The following NUB1 variants were observed in gnomAD, a reference collection of about 807,000 sequenced individuals.
NUB1 encodes the protein negative regulator of ubiquitin like proteins 1, also known as NEDD8 ultimate buster 1.
In NUB1, 41 loss-of-function variants were observed where a neutral mutation model predicts 77.1. The observed-to-expected ratio is 0.53, with a 90% CI of 0.41 to 0.69. The LOEUF (loss-of-function observed/expected upper bound fraction) is 0.69, where lower values mean the gene tolerates loss of function less well. Among genes scored for constraint, NUB1 ranks in the 30% least tolerant of loss-of-function variants. NUB1 has a pLI of 0.00. For synonymous variants in NUB1, 257 were observed against 281.0 expected (o/e 0.91, Z 0.85); for missense variants, 643 against 743.8 (o/e 0.86, Z 1.58).
intron 5 of NUB1, 77 bp from the exon 6 acceptor site, chr7:151,355,691 A>C: frequency 1.1e-5 from 15 of 1,370,424 alleles, no homozygotes; most frequent in Non-Finnish European, 1.5e-5. Flanking sequence ...AAACAATTCC[A>C]TTTAACATAG....
At chr7:151,344,736 T>C (rs984545765) in intron 1 of NUB1, among the ~76,000 whole-genome samples, 3 of 150,322 alleles carry the variant, frequency 2.0e-5, no homozygotes, top group Non-Finnish European at 2.9e-5. Flanking sequence ...ATTTACAAGC[T>C]CACGCCTGTA....
At chr7:151,347,693 T>G (rs976939609) in intron 2 of NUB1, among the ~76,000 whole-genome samples, 1 of 152,204 alleles carries the variant, frequency 6.6e-6, no homozygotes. Context: ...GTCCTGGGCT[T>G]GAGCAATCCT....
In NUB1 at chr7:151,366,423, C is replaced by T. The variant is rs147360785; in HGVS notation, c.801-516C>T. 1.1e-3 allele frequency among the ~76,000 whole-genome samples: 162 copies of T among 152,200 alleles called. 1 individual carries two copies. The highest frequency in any genetic ancestry group is 3.8e-3 in the African/African-American group (158 of 41,542). On this transcript the variant is annotated intron_variant, in intron 8 of 14. Transcript: ENST00000568733. ...GAAGTGGTGTTCAGCCCTGGCTGTA[C>T]ACTAGAATCAGCTGGGGAGACTCTG...
intron 2 of NUB1, among the ~76,000 whole-genome samples, chr7:151,348,470 C>T (rs1796608056): frequency 6.6e-6 from 1 of 151,284 alleles, no homozygotes; most frequent in Admixed American, 6.6e-5. Context: ...ATAGCCCACC[C>T]TTTTCTTCTC....
At chr7:151,367,671 G>A (rs1055346622) in intron 9 of NUB1, among the ~76,000 whole-genome samples, 190 bp from the exon 10 acceptor site, 1 of 152,168 alleles carries the variant, frequency 6.6e-6, no homozygotes, top group African/African-American at 2.4e-5. Context: ...GTGGCATGAG[G>A]AATGTTATCA....
chr7:151,351,476 G>A lies in NUB1; in HGVS notation c.338G>A (p.Arg113Lys), dbSNP rs771511644. The change falls in exon 4 of 15, where the codon AGG becomes AAG. Residue 113 changes from arginine to lysine, a missense_variant. By Grantham distance (26) the Arg-to-Lys change is conservative (BLOSUM62 2). Transcript: ENST00000568733. ...TRLHITGREL[R>K]SKIAETFGLQ... ...TTGCACATCACTGGCAGAGAACTGA[G>A]GTCCAAGTAAGTATCTGTGTGCTCT... The A allele has an allele frequency of 2.5e-6, 4 of 1,612,268 alleles. No homozygotes were observed. In the South Asian group the frequency reaches 4.4e-5, roughly 18 times the overall value.
chr7:151,359,283 A>C (rs1357179371), intron 7 of NUB1, among the ~76,000 whole-genome samples: 1 of 101,400 alleles, frequency 9.9e-6, no homozygotes, highest in African/African-American at 5.7e-5. Flanking sequence ...CTAAAAATAC[A>C]AAAAAAAAAA....
At chr7:151,345,759 G>A (rs566960973) in intron 2 of NUB1, among the ~76,000 whole-genome samples, 2 of 152,260 alleles carry the variant, frequency 1.3e-5, no homozygotes, top group Admixed American at 6.5e-5. Context: ...CAGTATTGGT[G>A]CCAGTAAGTA....
chr7:151,376,075 C>G (rs970121925), intron 13 of NUB1, 132 bp downstream of exon 13: 1 of 686,674 alleles, frequency 1.5e-6, no homozygotes, highest in African/African-American at 1.8e-5. Context: ...CCAGGTGTAA[C>G]CTGCCCACCT....
intron 7 of NUB1, among the ~76,000 whole-genome samples, chr7:151,358,890 C>T (rs1446755829): frequency 2.0e-5 from 3 of 150,520 alleles, no homozygotes; most frequent in East Asian, 2.0e-4. Context: ...CAATGAAACC[C>T]CATCTCTACT....
At chr7:151,373,971 C>A (rs1798083335) in intron 11 of NUB1, 126 bp from the exon 12 acceptor site, 3 of 1,007,088 alleles carry the variant, frequency 3.0e-6, no homozygotes, top group Admixed American at 2.8e-5. Context: ...AGAAAGAGGG[C>A]CCCCTGTGCT....
At chr7:151,374,307 C>G (rs1343334910) in intron 12 of NUB1, 64 bp downstream of exon 12, 2 of 1,520,116 alleles carry the variant, frequency 1.3e-6, no homozygotes, top group South Asian at 1.2e-5. Context: ...AGAGCTCCCT[C>G]CATGGCTCTC....
intron 11 of NUB1, among the ~76,000 whole-genome samples, chr7:151,372,841 C>T (rs896507555): frequency 4.6e-5 from 7 of 152,042 alleles, no homozygotes; most frequent in Non-Finnish European, 8.8e-5. Context: ...GTAATGGGGG[C>T]ATGAGACAGG....
chr7:151,354,322 C>CT (rs758140717), intron 5 of NUB1, among the ~76,000 whole-genome samples: 3,524 of 127,102 alleles, frequency 0.028, 60 homozygotes, highest in Admixed American at 0.064. Flanking sequence ...CCCACCCTTG[C>CT]TTTTTTTTTT....
intron 12 of NUB1, chr7:151,374,582 C>G: frequency 2.6e-6 from 1 of 385,186 alleles, no homozygotes; most frequent in Non-Finnish European, 4.8e-6. Flanking sequence ...AATGGGAATT[C>G]AACTTGTAGT....
At chr7:151,374,361 G>A (rs777126885) in intron 12 of NUB1, 118 bp downstream of exon 12, 50 of 1,280,874 alleles carry the variant, frequency 3.9e-5, no homozygotes, top group Admixed American at 2.8e-4. Context: ...CCCGTCATCC[G>A]GATCTGAAGG....
intron 4 of NUB1, among the ~76,000 whole-genome samples, chr7:151,351,699 G>T (rs1796803186): frequency 6.6e-6 from 1 of 152,166 alleles, no homozygotes; most frequent in Admixed American, 6.5e-5. Flanking sequence ...ACTATTTCCT[G>T]GTGTAACTTC....
intron 3 of NUB1, 56 bp from the exon 4 acceptor site, chr7:151,351,368 A>G (rs1262690227): frequency 1.5e-6 from 2 of 1,304,704 alleles, no homozygotes; most frequent in African/African-American, 2.9e-5. Context: ...TCACAGGGTA[A>G]TCTCTCCAAA....
At chr7:151,373,020 T>G (rs546241978) in intron 11 of NUB1, among the ~76,000 whole-genome samples, 1 of 152,284 alleles carries the variant, frequency 6.6e-6, no homozygotes, top group South Asian at 2.1e-4. Flanking sequence ...GTGGGGCCTG[T>G]GGAGTCTGGT....
Sources: gnomAD v4.1 joint callset for allele counts (sites outside exome capture counted in the v4.1 genomes callset) on GRCh38, gnomAD v4.1.1 for gene constraint, MANE v1.5 for transcripts, NCBI Gene and HGNC (gene_info 2026-07-23, HGNC 2026-07-21) for gene names.